ECHDC3: variants seen among roughly 807,000 people sequenced by gnomAD.
ECHDC3 encodes the protein enoyl-CoA hydratase domain containing 3, also known as enoyl-CoA hydratase domain-containing protein 3, mitochondrial.
In ECHDC3, 20 loss-of-function variants were observed where a neutral mutation model predicts 17.9. The observed-to-expected ratio is 1.12, with a 90% CI of 0.79 to 1.63. The LOEUF (loss-of-function observed/expected upper bound fraction) is 1.63, where lower values mean the gene tolerates loss of function less well. ECHDC3 is among the 40% of genes most tolerant of loss of function. The pLI is 0.00. For synonymous variants in ECHDC3, 177 were observed against 149.7 expected (o/e 1.18, Z -1.33); for missense variants, 407 against 357.7 (o/e 1.14, Z -1.11).
In ECHDC3 at chr10:11,763,143, G is replaced by T. The variant is rs1340838264; in HGVS notation, c.592-81G>T. 3 of 647,740 alleles carry T rather than the reference G, an allele frequency of 4.6e-6. No homozygotes were observed. The highest frequency in any genetic ancestry group is 3.6e-5 in the African/African-American group (2 of 56,274). 40.1% of individuals were successfully genotyped at this position (647,740 alleles called of 1,614,324 possible). A position where few individuals can be genotyped will look rare whatever the true frequency, so the allele number is the denominator to read the frequency against. On this transcript the variant is annotated intron_variant, in intron 4 of 4. Transcript: ENST00000379215. This position sits in a 1 kb window ranked among gnomAD's most constrained non-coding sequence, Gnocchi z 4.9. ...GATGACGTGGTATTTGAGGAAGCAG[G>T]TCATTGAGCCGAGGCGGGACTCAGG...
At chr10:11,748,581 C>T (rs1832787555) in intron 2 of ECHDC3, among the ~76,000 whole-genome samples, 1 of 152,048 alleles carries the variant, frequency 6.6e-6, no homozygotes, top group Non-Finnish European at 1.5e-5. Context: ...ATAATATTGC[C>T]TATCAATCAA....
chr10:11,760,479 T>A (rs1832936300), intron 4 of ECHDC3, among the ~76,000 whole-genome samples: 1 of 152,260 alleles, frequency 6.6e-6, no homozygotes, highest in Non-Finnish European at 1.5e-5. Flanking sequence ...TTGGATTTAC[T>A]CTTTCCTCCT....
Position 11,763,717 on chromosome 10 carries a change from A to C in ECHDC3, c.*173A>C. 7.1e-7 allele frequency: 1 copy of C among 1,415,030 alleles called. No individual in the cohort carries two copies. Among genetic ancestry groups the C allele is most frequent in the Non-Finnish European group, 9.2e-7 (1 of 1,087,760 alleles). 87.7% of individuals were successfully genotyped at this position (1,415,030 alleles called of 1,614,324 possible). On this transcript the variant is annotated 3_prime_UTR_variant, in exon 5 of 5. Transcript: ENST00000379215. This position sits in a 1 kb window ranked among gnomAD's most constrained non-coding sequence, Gnocchi z 4.9. Reference sequence around the variant, plus strand: ...GCCACAATTTCATGGGGAAAGGACAAAATGGAGAGTGACTGAGGTGCTGAC... The same window carrying C: ...GCCACAATTTCATGGGGAAAGGACACAATGGAGAGTGACTGAGGTGCTGAC...
chr10:11,751,774 T>C (rs1216903861), intron 3 of ECHDC3, among the ~76,000 whole-genome samples: 1 of 152,224 alleles, frequency 6.6e-6, no homozygotes, highest in Non-Finnish European at 1.5e-5. Context: ...TCCTTGTCTC[T>C]CTACTTACAT....
At chr10:11,753,837 C>T (rs1832855588) in intron 3 of ECHDC3, among the ~76,000 whole-genome samples, 1 of 152,022 alleles carries the variant, frequency 6.6e-6, no homozygotes, top group Non-Finnish European at 1.5e-5. Context: ...TGCAATGGCG[C>T]GATCTCAGCT....
chr10:11,762,768 G>A (rs1257516865), intron 4 of ECHDC3, among the ~76,000 whole-genome samples: 1 of 152,148 alleles, frequency 6.6e-6, no homozygotes. Flanking sequence ...GGGAGGCTGG[G>A]TCTGCTCTTT....
At chr10:11,752,269 G>T (rs564285678) in intron 3 of ECHDC3, 2 of 116,184 alleles carry the variant, frequency 1.7e-5, no homozygotes, top group African/African-American at 5.8e-5. Flanking sequence ...GCACCACCAT[G>T]CCCGGTTAAT....
At chr10:11,746,210 C>T (rs1482687427) in intron 1 of ECHDC3, among the ~76,000 whole-genome samples, 1 of 151,934 alleles carries the variant, frequency 6.6e-6, no homozygotes, top group African/African-American at 2.4e-5. Context: ...CACCTGCAAT[C>T]CCAGCTACTT....
chr10:11,744,978 C>T (rs1218069313), intron 1 of ECHDC3, among the ~76,000 whole-genome samples: 1 of 152,158 alleles, frequency 6.6e-6, no homozygotes, highest in Non-Finnish European at 1.5e-5. Context: ...GGATGGCTGA[C>T]ATTCAGGGGT....
chr10:11,755,874 C>T, intron 4 of ECHDC3: 1 of 402,396 alleles, frequency 2.5e-6, no homozygotes, highest in Non-Finnish European at 4.5e-6. Context: ...ACCCTCAGTA[C>T]CACTGGGTAG....
intron 4 of ECHDC3, among the ~76,000 whole-genome samples, chr10:11,757,209 C>T (rs777949372): frequency 7.9e-5 from 12 of 152,186 alleles, no homozygotes; most frequent in Non-Finnish European, 1.3e-4. Flanking sequence ...TGGAAGGTTC[C>T]ACAGTAAAGC....
intron 1 of ECHDC3, among the ~76,000 whole-genome samples, chr10:11,745,530 C>G (rs981392619): frequency 3.9e-5 from 6 of 152,282 alleles, no homozygotes; most frequent in Non-Finnish European, 8.8e-5. Flanking sequence ...AGATGAATAG[C>G]ACAGCCACTT....
chr10:11,755,145 AC>A lies in ECHDC3; in HGVS notation c.391-259del, dbSNP rs780683152. Among the ~76,000 whole-genome samples the A allele has an allele frequency of 1.3e-4, 19 of 151,830 alleles. 1 individual carries two copies. Among genetic ancestry groups the A allele is most frequent in the Admixed American group, 5.3e-4 (8 of 15,230 alleles). ...AGGCCAGCCTGGCCAGCATGGTAAAACCCCATCTTTACTAAAAATACCAAAA... is the reference window on the plus strand; with the variant it reads ...AGGCCAGCCTGGCCAGCATGGTAAAACCCATCTTTACTAAAAATACCAAAA... On this transcript the variant is annotated intron_variant, in intron 3 of 4. Coordinates refer to ENST00000379215, the MANE Select transcript of ECHDC3 (RefSeq NM_024693.5).
intron 3 of ECHDC3, among the ~76,000 whole-genome samples, chr10:11,750,373 T>C (rs566906659): frequency 1.3e-5 from 2 of 152,380 alleles, no homozygotes; most frequent in South Asian, 4.1e-4. Context: ...TTTTTAAAAT[T>C]ATTTTTGAAT....
intron 3 of ECHDC3, among the ~76,000 whole-genome samples, chr10:11,750,309 AAAAC>A (rs1336461706): frequency 3.3e-5 from 5 of 152,366 alleles, no homozygotes; most frequent in Admixed American, 2.0e-4. Flanking sequence ...ATTTTAAACT[AAAAC>A]AACTCTATTA....
chr10:11,746,406 A>G (rs1212189916), intron 1 of ECHDC3, among the ~76,000 whole-genome samples: 3 of 152,120 alleles, frequency 2.0e-5, no homozygotes, highest in African/African-American at 4.8e-5. Context: ...CGAGAATTCT[A>G]TAGCACAACA....
In ECHDC3 at chr10:11,742,610, G is replaced by A. The variant is rs1423829344; in HGVS notation, c.34G>A (p.Ala12Thr). The A allele has an allele frequency of 1.7e-5, 22 of 1,301,194 alleles. No homozygotes were observed. The highest frequency in any genetic ancestry group is 2.9e-4 in the Middle Eastern group (1 of 3,456). The allele number at this position is 1,301,194 out of a possible 1,614,324, so 80.6% of individuals were successfully genotyped here. A position where few individuals can be genotyped will look rare whatever the true frequency, so the allele number is the denominator to read the frequency against. Reference protein sequence around the residue: ...AAVAVLRAFGASGPMCLRRGP... With the variant: ...AAVAVLRAFGTSGPMCLRRGP... ...CGTCGCCGTCTTGCGGGCCTTCGGG[G>A]CAAGTGGGCCCATGTGTCTCCGGCG... Residue 12 changes from alanine to threonine, a missense_variant, in exon 1 of 5, where the codon GCA becomes ACA. Ala to Thr is a moderately conservative substitution (Grantham distance 58). Coordinates refer to ENST00000379215, the MANE Select transcript of ECHDC3 (RefSeq NM_024693.5).
chr10:11,742,491 C>G lies in ECHDC3; in HGVS notation c.-86C>G. The G allele has an allele frequency of 2.5e-6, 3 of 1,206,784 alleles. No individual in the cohort carries two copies. Among genetic ancestry groups the G allele is most frequent in the Non-Finnish European group, 3.1e-6 (3 of 962,880 alleles). The allele number at this position is 1,206,784 out of a possible 1,614,324, so 74.8% of individuals were successfully genotyped here. A position where few individuals can be genotyped will look rare whatever the true frequency, so the allele number is the denominator to read the frequency against. On this transcript the variant is annotated 5_prime_UTR_variant, in exon 1 of 5. Coordinates refer to ENST00000379215, the MANE Select transcript of ECHDC3 (RefSeq NM_024693.5). Reference sequence around the variant, plus strand: ...AGTTCCGTCGAGTTCCGTCCCGGCCCTGCTCACAGCAGCGCCCTCGGAGCG... The same window carrying G: ...AGTTCCGTCGAGTTCCGTCCCGGCCGTGCTCACAGCAGCGCCCTCGGAGCG...
chr10:11,762,364 C>T (rs1242016011), intron 4 of ECHDC3, among the ~76,000 whole-genome samples: 5 of 152,106 alleles, frequency 3.3e-5, no homozygotes, highest in South Asian at 4.1e-4. Context: ...CCTGAGGTGA[C>T]GGTGCATGGG....
Sources: gnomAD v4.1 joint callset for allele counts (sites outside exome capture counted in the v4.1 genomes callset) on GRCh38, gnomAD v4.1.1 for gene constraint, Gnocchi (gnomAD v3.1) non-coding constraint, MANE v1.5 for transcripts, NCBI Gene and HGNC (gene_info 2026-07-23, HGNC 2026-07-21) for gene names.